Variants in PDE10A observed in about 807,000 individuals in gnomAD.
PDE10A encodes cAMP and cAMP-inhibited cGMP 3',5'-cyclic phosphodiesterase 10A.
PDE10A carries 39 observed loss-of-function variants against 97.7 expected under a neutral mutation model. The observed-to-expected ratio is 0.40, with a 90% confidence interval of 0.31 to 0.52. The LOEUF (loss-of-function observed/expected upper bound fraction) is 0.52, where lower values mean the gene tolerates loss of function less well. Among genes scored for constraint, PDE10A ranks in the 20% least tolerant of loss-of-function variants. The pLI is 0.56. For synonymous variants in PDE10A, 371 were observed against 376.8 expected (o/e 0.98, Z 0.18); for missense variants, 731 against 1,047.8 (o/e 0.70, Z 4.17).
At chr6:165,640,970 A>G (rs1029531457) in intron 1 of PDE10A, among the ~76,000 whole-genome samples, 2 of 152,220 alleles carry the variant, frequency 1.3e-5, no homozygotes, top group African/African-American at 2.4e-5. Flanking sequence ...GTGTCCATGC[A>G]GTCAGAAGAG....
intron 1 of PDE10A, among the ~76,000 whole-genome samples, chr6:165,916,848 C>T (rs983862615): frequency 3.9e-5 from 6 of 152,142 alleles, no homozygotes; most frequent in African/African-American, 1.4e-4. Flanking sequence ...AAATGAAACA[C>T]CACGCCCTTT....
chr6:165,768,056 G>A (rs1404782940), intron 1 of PDE10A, among the ~76,000 whole-genome samples: 1 of 152,050 alleles, frequency 6.6e-6, no homozygotes, highest in Non-Finnish European at 1.5e-5. Flanking sequence ...ATTTTTTCAT[G>A]TGCCTATTGG....
In PDE10A at chr6:165,632,200, C is replaced by CAAAA. The variant is rs71552885; in HGVS notation, c.865+29743_865+29746dup. Among the ~76,000 whole-genome samples, 598 of 67,002 alleles carry CAAAA rather than the reference C, an allele frequency of 8.9e-3. 26 individuals are homozygous for CAAAA. The highest frequency in any genetic ancestry group is 0.023 in the East Asian group (44 of 1,946). 44.0% of individuals were successfully genotyped at this position (67,002 alleles called of 152,430 possible). A position where few individuals can be genotyped will look rare whatever the true frequency, so the allele number is the denominator to read the frequency against. ...GAGTGATAAGAGGGAGAGTCCATCTCAAAAAAAAAAAAAAAAAAAAAAGAT... is the reference window on the plus strand; with the variant it reads ...GAGTGATAAGAGGGAGAGTCCATCTCAAAAAAAAAAAAAAAAAAAAAAAAAAGAT... On this transcript the variant is annotated intron_variant, in intron 1 of 21. Coordinates refer to ENST00000539869, the MANE Select transcript of PDE10A (RefSeq NM_001385079.1).
At chr6:165,712,529 C>T (rs558437693) in intron 1 of PDE10A, among the ~76,000 whole-genome samples, 53 of 152,000 alleles carry the variant, frequency 3.5e-4, no homozygotes, top group African/African-American at 1.3e-3. Flanking sequence ...CCAAAGCGGC[C>T]TGGATCAGTT....
intron 1 of PDE10A, among the ~76,000 whole-genome samples, chr6:165,721,964 C>T (rs1792177451): frequency 6.6e-6 from 1 of 152,170 alleles, no homozygotes; most frequent in Non-Finnish European, 1.5e-5. Flanking sequence ...AGAAATGAAA[C>T]ATTTCATGGA....
chr6:165,891,305 A>C (rs1348144881), intron 1 of PDE10A, among the ~76,000 whole-genome samples: 1 of 152,180 alleles, frequency 6.6e-6, no homozygotes, highest in Non-Finnish European at 1.5e-5. Flanking sequence ...TAAGCTTCAG[A>C]AGTGGATTGG....
chr6:165,907,682 A>G (rs991282651), intron 1 of PDE10A, among the ~76,000 whole-genome samples: 9 of 152,076 alleles, frequency 5.9e-5, no homozygotes, highest in African/African-American at 2.2e-4. Flanking sequence ...GGAATAAAGC[A>G]CCCTGCAGGA....
chr6:165,430,227 C>G lies in PDE10A; in HGVS notation c.1601+60G>C, dbSNP rs1789454678. The G allele has an allele frequency of 6.7e-6, 8 of 1,188,956 alleles. No individual in the cohort carries two copies. In the South Asian group the frequency reaches 1.0e-4, roughly 15 times the overall value. 73.7% of individuals were successfully genotyped at this position (1,188,956 alleles called of 1,614,324 possible). A position where few individuals can be genotyped will look rare whatever the true frequency, so the allele number is the denominator to read the frequency against. On this transcript the variant is annotated intron_variant, in intron 9 of 21. Coordinates refer to ENST00000539869, the MANE Select transcript of PDE10A (RefSeq NM_001385079.1). ...GACAATGGTCTATTTCTGCCACAGG[C>G]TGCCCTTAATTTAAACCATTGATTA...
At chr6:165,835,461 G>A (rs1169733826) in intron 1 of PDE10A, among the ~76,000 whole-genome samples, 2 of 152,188 alleles carry the variant, frequency 1.3e-5, no homozygotes, top group African/African-American at 4.8e-5. Flanking sequence ...AGGCCAAGGC[G>A]AGGACAGCAC....
chr6:165,337,988 T>C (rs966827187), intron 20 of PDE10A, among the ~76,000 whole-genome samples: 5 of 152,160 alleles, frequency 3.3e-5, no homozygotes. Flanking sequence ...TCAAATACAA[T>C]ATGAAAAGCA....
At chr6:165,623,261 G>T (rs765219927) in intron 1 of PDE10A, among the ~76,000 whole-genome samples, 8 of 152,080 alleles carry the variant, frequency 5.3e-5, no homozygotes, top group Non-Finnish European at 8.8e-5. Flanking sequence ...GAGTAGCTGG[G>T]ATTACAGGCA....
chr6:165,429,471 T>C (rs1789401784), intron 9 of PDE10A, among the ~76,000 whole-genome samples: 1 of 152,102 alleles, frequency 6.6e-6, no homozygotes. Context: ...AAACTAAATG[T>C]AACATAAACT....
intron 1 of PDE10A, among the ~76,000 whole-genome samples, chr6:165,972,428 C>T (rs1362880828): frequency 1.3e-5 from 2 of 152,142 alleles, no homozygotes; most frequent in Non-Finnish European, 2.9e-5. Context: ...TGACCTATGG[C>T]TGAGATGTGT....
chr6:165,451,734 C>A (rs2128250600), intron 3 of PDE10A, among the ~76,000 whole-genome samples: 1 of 152,306 alleles, frequency 6.6e-6, no homozygotes, highest in South Asian at 2.1e-4. Flanking sequence ...CACTGACCAT[C>A]CTGACAATGC....
intron 1 of PDE10A, among the ~76,000 whole-genome samples, chr6:165,797,919 GA>G (rs1443798593): frequency 6.6e-6 from 1 of 152,106 alleles, no homozygotes; most frequent in African/African-American, 2.4e-5. Flanking sequence ...TACTTTGATA[GA>G]ACATAATTAT....
intron 1 of PDE10A, among the ~76,000 whole-genome samples, chr6:165,710,182 T>G (rs927417356): frequency 1.3e-5 from 2 of 152,186 alleles, no homozygotes; most frequent in African/African-American, 4.8e-5. Context: ...CACGCAGCAC[T>G]GACCACTCTC....
In PDE10A at chr6:165,661,883, C is replaced by T. The variant is rs1350713197; in HGVS notation, c.865+64G>A. ...GCTTCCCACCCAGCAGTCCAAGCCCCCCACCTGCCCCCAGGGGATGAGGAG... is the reference window on the plus strand; with the variant it reads ...GCTTCCCACCCAGCAGTCCAAGCCCTCCACCTGCCCCCAGGGGATGAGGAG... On this transcript the variant is annotated intron_variant, in intron 1 of 21. Coordinates refer to ENST00000539869, the MANE Select transcript of PDE10A (RefSeq NM_001385079.1). The surrounding 1 kb of genome is among the most constrained non-coding windows in gnomAD (Gnocchi z 4.8). The T allele has an allele frequency of 1.4e-6, 1 of 737,932 alleles. No homozygotes were observed. Among genetic ancestry groups the T allele is most frequent in the East Asian group, 3.1e-5 (1 of 32,666 alleles). 45.7% of individuals were successfully genotyped at this position (737,932 alleles called of 1,614,324 possible).
At chr6:165,486,357 G>T (rs973816529) in intron 2 of PDE10A, among the ~76,000 whole-genome samples, 1 of 152,296 alleles carries the variant, frequency 6.6e-6, no homozygotes, top group Middle Eastern at 3.4e-3. Context: ...CAGCTGCCAC[G>T]ACTGGATGGC....
intron 1 of PDE10A, among the ~76,000 whole-genome samples, chr6:165,601,995 G>A (rs1786979324): frequency 6.6e-6 from 1 of 152,150 alleles, no homozygotes; most frequent in African/African-American, 2.4e-5. Context: ...ACTAAGATCA[G>A]GATATACTAA....
Sources: gnomAD v4.1 joint callset for allele counts (sites outside exome capture counted in the v4.1 genomes callset) on GRCh38, gnomAD v4.1.1 for gene constraint, Gnocchi (gnomAD v3.1) non-coding constraint, MANE v1.5 for transcripts, NCBI Gene and HGNC (gene_info 2026-07-23, HGNC 2026-07-21) for gene names.